The following NIBAN1 variants were observed in gnomAD, a reference collection of about 807,000 sequenced individuals.
NIBAN1 encodes niban apoptosis regulator 1.
NIBAN1 carries 81 observed loss-of-function variants against 75.1 expected under a neutral mutation model. That is an observed-to-expected ratio of 1.08 (90% CI 0.90 to 1.30). The LOEUF (loss-of-function observed/expected upper bound fraction) is 1.30, where lower values mean the gene tolerates loss of function less well. Among genes scored for constraint, NIBAN1 ranks in the 50% most tolerant of loss-of-function variants. NIBAN1 has a pLI of 0.00. For missense variants in NIBAN1, 1,133 were observed against 1,128.1 expected (o/e 1.00, Z -0.06); for synonymous variants, 436 against 424.8 (o/e 1.03, Z -0.32).
chr1:184,950,216 G>T lies in NIBAN1; in HGVS notation c.55+24086C>A, dbSNP rs527451643. Among the ~76,000 whole-genome samples the T allele has an allele frequency of 4.0e-5, 6 of 151,616 alleles. No homozygotes were observed. In the East Asian group the frequency reaches 1.2e-3, roughly 30 times the overall value. On this transcript the variant is annotated intron_variant, in intron 1 of 13. Coordinates refer to ENST00000367511, the MANE Select transcript of NIBAN1 (RefSeq NM_052966.4). ...AGATAATCTCATGAGATAATATAAT[G>T]GTCTCTATTATCTTAACGATGAACA...
At chr1:184,832,055 T>C (rs890406548) in intron 5 of NIBAN1, 93 bp from the exon 6 acceptor site, 13 of 878,496 alleles carry the variant, frequency 1.5e-5, no homozygotes, top group Non-Finnish European at 2.2e-5. Flanking sequence ...CCTAGCATTA[T>C]CTGAAAATGA....
intron 5 of NIBAN1, 126 bp downstream of exon 5, chr1:184,884,507 G>C: frequency 1.6e-6 from 2 of 1,287,568 alleles, no homozygotes; most frequent in South Asian, 2.9e-5. Flanking sequence ...TTACAGGCAT[G>C]AGCCACCGCA....
chr1:184,913,592 G>A (rs1205158187), intron 1 of NIBAN1, among the ~76,000 whole-genome samples: 3 of 152,090 alleles, frequency 2.0e-5, no homozygotes, highest in African/African-American at 7.2e-5. Context: ...TGTACTTATA[G>A]TTCTGTATTA....
chr1:184,906,455 A>AC (rs1320132616), intron 1 of NIBAN1, among the ~76,000 whole-genome samples: 1 of 151,828 alleles, frequency 6.6e-6, no homozygotes, highest in Non-Finnish European at 1.5e-5. Flanking sequence ...ACATGGAGAA[A>AC]CCCCGTCCCT....
intron 6 of NIBAN1, among the ~76,000 whole-genome samples, chr1:184,826,719 GTT>G (rs1654850694): frequency 2.0e-5 from 3 of 152,166 alleles, no homozygotes; most frequent in Non-Finnish European, 4.4e-5. Flanking sequence ...GAAAAATAAT[GTT>G]CCATTTGGGT....
At chr1:184,945,947 A>G (rs1334415416) in intron 1 of NIBAN1, among the ~76,000 whole-genome samples, 1 of 151,940 alleles carries the variant, frequency 6.6e-6, no homozygotes, top group Non-Finnish European at 1.5e-5. Context: ...GGAAGGAAGG[A>G]TGGAGGTTCC....
At chr1:184,860,701 G>T (rs924359218) in intron 5 of NIBAN1, among the ~76,000 whole-genome samples, 4 of 152,206 alleles carry the variant, frequency 2.6e-5, no homozygotes, top group Admixed American at 2.6e-4. Context: ...GAAGAGTAAT[G>T]AGAGTGAGTA....
chr1:184,862,739 TC>T (rs1655848464), intron 5 of NIBAN1, among the ~76,000 whole-genome samples: 1 of 152,136 alleles, frequency 6.6e-6, no homozygotes, highest in Admixed American at 6.5e-5. Flanking sequence ...GAAACAAATC[TC>T]CCTTTTGTGG....
At chr1:184,905,353 C>T (rs1657064710) in intron 1 of NIBAN1, among the ~76,000 whole-genome samples, 1 of 152,136 alleles carries the variant, frequency 6.6e-6, no homozygotes, top group South Asian at 2.1e-4. Context: ...GTCATAGGGG[C>T]ACAACCTTCT....
intron 1 of NIBAN1, among the ~76,000 whole-genome samples, chr1:184,921,406 A>T (rs1657552102): frequency 6.6e-6 from 1 of 152,252 alleles, no homozygotes; most frequent in South Asian, 2.1e-4. Context: ...ATCACAAAAA[A>T]GTAAAAGAAA....
chr1:184,862,103 G>T (rs1571526984), intron 5 of NIBAN1, among the ~76,000 whole-genome samples: 1 of 152,096 alleles, frequency 6.6e-6, no homozygotes, highest in East Asian at 1.9e-4. Flanking sequence ...GTCAACATTA[G>T]ACCATGCCAA....
intron 12 of NIBAN1, among the ~76,000 whole-genome samples, chr1:184,798,907 A>T (rs990096704): frequency 2.6e-5 from 4 of 152,208 alleles, no homozygotes; most frequent in Non-Finnish European, 5.9e-5. Context: ...TGCATCTATC[A>T]GTAGCTCATT....
At chr1:184,872,367 AG>A (rs1331413638) in intron 5 of NIBAN1, among the ~76,000 whole-genome samples, 1 of 152,030 alleles carries the variant, frequency 6.6e-6, no homozygotes, top group Non-Finnish European at 1.5e-5. Flanking sequence ...GAAACTGTTC[AG>A]GGAAAAAAAA....
chr1:184,851,564 C>A (rs1655535908), intron 5 of NIBAN1, among the ~76,000 whole-genome samples: 1 of 27,494 alleles, frequency 3.6e-5, no homozygotes, highest in Non-Finnish European at 7.2e-5. Flanking sequence ...ACCAGCATGG[C>A]ACATGTATAC....
chr1:184,838,639 C>G (rs969153475), intron 5 of NIBAN1, among the ~76,000 whole-genome samples: 2 of 152,076 alleles, frequency 1.3e-5, no homozygotes, highest in African/African-American at 2.4e-5. Flanking sequence ...CTCTTGGGGA[C>G]AGTTATTCAT....
rs1324673059 is a variant in NIBAN1, at chr1:184,922,724, A to G, written c.56-23415T>C. Among the ~76,000 whole-genome samples, 4 of 152,132 alleles carry G rather than the reference A, an allele frequency of 2.6e-5. No individual in the cohort carries two copies. In the East Asian group the frequency reaches 7.7e-4, roughly 29 times the overall value. On this transcript the variant is annotated intron_variant, in intron 1 of 13. Coordinates refer to ENST00000367511, the MANE Select transcript of NIBAN1 (RefSeq NM_052966.4). ...TAGGTTCAAGTGATTCTCCTGCCTC[A>G]GCCTCCCAAGTAGCTGGGATTACAG... is the stretch of plus-strand genomic sequence containing the variant.
intron 1 of NIBAN1, among the ~76,000 whole-genome samples, chr1:184,969,609 A>G (rs1479616614): frequency 6.6e-6 from 1 of 152,174 alleles, no homozygotes; most frequent in East Asian, 1.9e-4. Flanking sequence ...CACAACAGGT[A>G]CAGACCAATC....
intron 1 of NIBAN1, among the ~76,000 whole-genome samples, chr1:184,973,924 G>C (rs567779890): frequency 6.6e-6 from 1 of 152,212 alleles, no homozygotes; most frequent in Non-Finnish European, 1.5e-5. Flanking sequence ...CTCTAGAAAC[G>C]CGGGATATCC....
chr1:184,844,113 G>A (rs1227832587), intron 5 of NIBAN1, among the ~76,000 whole-genome samples: 2 of 152,180 alleles, frequency 1.3e-5, no homozygotes, highest in African/African-American at 2.4e-5. Flanking sequence ...TGACAAACGG[G>A]TCTTGGTATA....
Sources: allele counts gnomAD v4.1 joint callset (sites outside exome capture counted in the v4.1 genomes callset), GRCh38; gene constraint gnomAD v4.1.1; transcripts MANE v1.5; gene names NCBI Gene and HGNC (gene_info 2026-07-23, HGNC 2026-07-21).